CCM2: variants seen among roughly 807,000 people sequenced by gnomAD.
CCM2 encodes cerebral cavernous malformations 2 protein.
In CCM2, 25 loss-of-function variants were observed where a neutral mutation model predicts 44.9. The observed-to-expected ratio is 0.56, with a 90% CI of 0.41 to 0.78. The LOEUF (loss-of-function observed/expected upper bound fraction) is 0.78. CCM2 is among the 30% of genes least tolerant of loss of function. CCM2 has a pLI of 0.00. For synonymous variants in CCM2, 219 were observed against 241.1 expected (o/e 0.91, Z 0.85); for missense variants, 481 against 580.6 (o/e 0.83, Z 1.76).
At chr7:45,029,851 C>T (rs926257592) in intron 1 of CCM2, among the ~76,000 whole-genome samples, 6 of 152,214 alleles carry the variant, frequency 3.9e-5, no homozygotes, top group Non-Finnish European at 5.9e-5. Context: ...AGTTTTTTAA[C>T]TCAGAAGTAC....
At chr7:45,018,834 A>T (rs1583858269) in intron 1 of CCM2, among the ~76,000 whole-genome samples, 1 of 150,438 alleles carries the variant, frequency 6.6e-6, no homozygotes, top group East Asian at 2.0e-4. Flanking sequence ...ATCTCAGCTT[A>T]CTGCAACCTC....
At chr7:45,005,536 C>G (rs1795810055) in intron 1 of CCM2, among the ~76,000 whole-genome samples, 2 of 72,196 alleles carry the variant, frequency 2.8e-5, no homozygotes, top group African/African-American at 7.6e-5. Context: ...TCAGCAGTGC[C>G]CCCTCCTTGT....
chr7:45,050,330 A>G (rs756025501), intron 2 of CCM2, among the ~76,000 whole-genome samples: 8 of 152,202 alleles, frequency 5.3e-5, no homozygotes, highest in Non-Finnish European at 8.8e-5. Flanking sequence ...GCCTAATGAC[A>G]TATTTCTCAG....
intron 6 of CCM2, chr7:45,070,414 T>C: frequency 2.2e-6 from 1 of 455,922 alleles, no homozygotes; most frequent in South Asian, 1.5e-5. Flanking sequence ...CATGGGAAGC[T>C]GCTCAGGCTG....
intron 1 of CCM2, among the ~76,000 whole-genome samples, chr7:45,017,512 T>C (rs148166799): frequency 1.3e-5 from 2 of 152,348 alleles, no homozygotes; most frequent in African/African-American, 4.8e-5. Context: ...GTTTGGCTGC[T>C]AGAGAAAAAG....
Position 45,072,278 on chromosome 7 carries a change from C to T in CCM2, c.746-448C>T, listed in dbSNP as rs923730046. 9.5e-5 allele frequency: 32 copies of T among 335,700 alleles called. 1 individual carries two copies. Among genetic ancestry groups the T allele is most frequent in the South Asian group, 6.5e-4 (27 of 41,534 alleles). The allele number at this position is 335,700 out of a possible 1,614,324, so 20.8% of individuals were successfully genotyped here. On this transcript the variant is annotated intron_variant, in intron 6 of 9. Coordinates refer to ENST00000258781, the MANE Select transcript of CCM2 (RefSeq NM_031443.4). The stretch of plus-strand genomic sequence containing the variant: ...GGTTCAGATGGGGAGTCAGACTGCC[C>T]GGCTCTGACTGTGGTTTCTGCTGTG...
At chr7:45,058,895 A>T (rs1371495647) in intron 2 of CCM2, among the ~76,000 whole-genome samples, 1 of 139,306 alleles carries the variant, frequency 7.2e-6, no homozygotes, top group Non-Finnish European at 1.5e-5. Context: ...CACCACGCCC[A>T]GCTAATTTTT....
At chr7:45,028,731 T>G (rs1230681308) in intron 1 of CCM2, among the ~76,000 whole-genome samples, 1 of 152,018 alleles carries the variant, frequency 6.6e-6, no homozygotes, top group Non-Finnish European at 1.5e-5. Flanking sequence ...ACTTATCATT[T>G]AGACCTCTCC....
intron 2 of CCM2, among the ~76,000 whole-genome samples, chr7:45,058,796 G>C (rs554680120): frequency 1.4e-3 from 208 of 151,700 alleles, no homozygotes; most frequent in African/African-American, 4.9e-3. Flanking sequence ...TTTTTTTTGA[G>C]ACAGAGTTTT....
chr7:45,074,074 TCTC>T lies in CCM2; in HGVS notation c.916-192_916-190del, dbSNP rs1799222194. ...GAGTGGAGCTGCCCGGGTGCCTTGG[TCTC>T]CTCTGGGTGGCCCCGTGCCAGGTCT... On this transcript the variant is annotated intron_variant, in intron 8 of 9. Transcript: ENST00000258781. 7.4e-6 allele frequency: 9 copies of T among 1,220,920 alleles called. No homozygotes were observed. In the South Asian group the frequency reaches 1.4e-4, roughly 18 times the overall value. The allele number at this position is 1,220,920 out of a possible 1,614,324, so 75.6% of individuals were successfully genotyped here. A position where few individuals can be genotyped will look rare whatever the true frequency, so the allele number is the denominator to read the frequency against.
intron 4 of CCM2, among the ~76,000 whole-genome samples, chr7:45,065,747 T>C (rs1160821521): frequency 6.6e-6 from 1 of 152,128 alleles, no homozygotes; most frequent in East Asian, 1.9e-4. Context: ...TAGCAGTAGC[T>C]TAGACTTGCG....
chr7:45,041,899 TATC>T (rs1402050635), intron 2 of CCM2, among the ~76,000 whole-genome samples: 1 of 152,226 alleles, frequency 6.6e-6, no homozygotes, highest in East Asian at 1.9e-4. Flanking sequence ...CCAGAACTCT[TATC>T]ATACCCAGCA....
chr7:45,053,829 C>T (rs914353203), intron 2 of CCM2, among the ~76,000 whole-genome samples: 1 of 152,152 alleles, frequency 6.6e-6, no homozygotes, highest in African/African-American at 2.4e-5. Context: ...GGTGGGCTTT[C>T]CTGTCATTTT....
intron 1 of CCM2, among the ~76,000 whole-genome samples, chr7:45,023,787 G>GTTTTTTTTTTTTTTTTT (rs10596429): frequency 1.2e-4 from 7 of 58,614 alleles, no homozygotes; most frequent in Non-Finnish European, 1.8e-4. Flanking sequence ...CTCTGTATCA[G>GTTTTTTTTTTTTTTTTT]TTTTTTTTTT....
chr7:45,058,550 A>G (rs1287332089), intron 2 of CCM2, among the ~76,000 whole-genome samples: 2 of 137,130 alleles, frequency 1.5e-5, no homozygotes, highest in Non-Finnish European at 3.0e-5. Flanking sequence ...ATTCCCACCT[A>G]TGAGTGAGAA....
chr7:45,065,129 G>GTC (rs970443892), intron 4 of CCM2, among the ~76,000 whole-genome samples: 5 of 151,786 alleles, frequency 3.3e-5, no homozygotes. Flanking sequence ...TGTCCTTGCC[G>GTC]TCTGCTGCTT....
chr7:45,074,838 G>A (rs958255479), intron 9 of CCM2, among the ~76,000 whole-genome samples: 4 of 152,198 alleles, frequency 2.6e-5, no homozygotes, highest in African/African-American at 7.2e-5. Flanking sequence ...TAAAATGCTC[G>A]GCACATTAGG....
At chr7:45,027,685 A>C in intron 1 of CCM2, 3 of 1,614,062 alleles carry the variant, frequency 1.9e-6, no homozygotes, top group Non-Finnish European at 2.5e-6. Context: ...TTTTTCAACA[A>C]ATTCAGAAGT....
At chr7:45,016,167 G>A (rs1180300283) in intron 1 of CCM2, among the ~76,000 whole-genome samples, 1 of 152,206 alleles carries the variant, frequency 6.6e-6, no homozygotes, top group African/African-American at 2.4e-5. Context: ...GGCAGAGCCT[G>A]AAAGGTAGGC....
Sources: gnomAD v4.1 joint callset for allele counts (sites outside exome capture counted in the v4.1 genomes callset) on GRCh38, gnomAD v4.1.1 for gene constraint, MANE v1.5 for transcripts, NCBI Gene and HGNC (gene_info 2026-07-23, HGNC 2026-07-21) for gene names.